Variants in SATB2 observed in about 807,000 individuals in gnomAD.
SATB2 encodes the protein SATB homeobox 2.
In SATB2, 1 loss-of-function variant was observed where a neutral mutation model predicts 73.4. That is an observed-to-expected ratio of 0.01 (90% CI 0.00 to 0.06). The LOEUF (loss-of-function observed/expected upper bound fraction) is 0.06. Ranked by LOEUF, SATB2 falls within the 10% of genes least tolerant of loss-of-function variation. The pLI is 1.00. For missense variants in SATB2, 459 were observed against 945.8 expected, an observed-to-expected ratio of 0.49 and a Z score of 6.75; for synonymous variants, 397 against 367.0, an observed-to-expected ratio of 1.08 and a Z score of -0.93.
At chr2:199,367,843 G>C (rs915536099) in intron 6 of SATB2, among the ~76,000 whole-genome samples, 5 of 152,170 alleles carry the variant, frequency 3.3e-5, no homozygotes, top group Admixed American at 3.3e-4. Context: ...AAATGGTCCT[G>C]ACATGTTTAA....
At chr2:199,332,058 T>A (rs1425994141) in intron 7 of SATB2, among the ~76,000 whole-genome samples, 1 of 152,090 alleles carries the variant, frequency 6.6e-6, no homozygotes, top group Non-Finnish European at 1.5e-5. Context: ...CTTTTATGAA[T>A]AGAAAGGTCA....
At chr2:199,357,741 T>C (rs184805490) in intron 6 of SATB2, among the ~76,000 whole-genome samples, 26 of 152,228 alleles carry the variant, frequency 1.7e-4, no homozygotes, top group Admixed American at 1.6e-3. Context: ...TCCCCTCCCA[T>C]TATCTTATTT....
chr2:199,321,533 TAC>T (rs1687891598), intron 9 of SATB2, among the ~76,000 whole-genome samples: 1 of 150,248 alleles, frequency 6.7e-6, no homozygotes, highest in Non-Finnish European at 1.5e-5. Context: ...TATACATATA[TAC>T]ATATATGTGT....
intron 9 of SATB2, among the ~76,000 whole-genome samples, chr2:199,314,970 G>T (rs1337720665): frequency 6.6e-6 from 1 of 151,936 alleles, no homozygotes; most frequent in Non-Finnish European, 1.5e-5. Flanking sequence ...TCCTAGACTA[G>T]ATATCTTTTT....
At position 199,272,767 on chromosome 2, in the gene SATB2, C is replaced by G; in HGVS notation, c.1741-95G>C. 1 of 1,149,078 alleles carries G rather than the reference C, an allele frequency of 8.7e-7. No homozygotes were observed. The highest frequency in any genetic ancestry group is 1.3e-6 in the Non-Finnish European group (1 of 761,952). The allele number at this position is 1,149,078 out of a possible 1,614,324, so 71.2% of individuals were successfully genotyped here. On this transcript the variant is annotated intron_variant, in intron 10 of 10. Transcript: ENST00000417098. This position sits in a 1 kb window ranked among gnomAD's most constrained non-coding sequence, Gnocchi z 6.7. ...TGAAATATGTGTTATCTATCTAGCA[C>G]TGGAGGTAAGCTATAGTCATTTGTA... is the stretch of plus-strand genomic sequence containing the variant.
rs192571654 is a variant in SATB2 at position 199,269,715 on chromosome 2, G to A, written c.*2496C>T. ...CATTTCACAAAAAAAAAAAAAGGCGGGAAATTGTGCTTTGTCAAGAGGCAC... is the reference window on the plus strand; with the variant it reads ...CATTTCACAAAAAAAAAAAAAGGCGAGAAATTGTGCTTTGTCAAGAGGCAC... On this transcript the variant is annotated 3_prime_UTR_variant, in exon 11 of 11. Transcript: ENST00000417098. The A allele has an allele frequency of 2.1e-5, 3 of 144,786 alleles. No individual in the cohort carries two copies. Among genetic ancestry groups the A allele is most frequent in the East Asian group, 2.0e-4 (1 of 5,104 alleles). 9.0% of individuals were successfully genotyped at this position (144,786 alleles called of 1,614,324 possible).
At chr2:199,389,222 T>C (rs1329083430) in intron 3 of SATB2, among the ~76,000 whole-genome samples, 2 of 152,164 alleles carry the variant, frequency 1.3e-5, no homozygotes, top group East Asian at 1.9e-4. Context: ...TTTTGAAGTA[T>C]ACATATTTTC....
At chr2:199,317,062 G>A (rs769354509) in intron 9 of SATB2, among the ~76,000 whole-genome samples, 31 of 152,064 alleles carry the variant, frequency 2.0e-4, no homozygotes, top group Middle Eastern at 3.4e-3. Context: ...GGGGTGGGGC[G>A]GTATGGGCAG....
At chr2:199,415,154 G>C (rs1452513723) in intron 3 of SATB2, among the ~76,000 whole-genome samples, 1 of 152,238 alleles carries the variant, frequency 6.6e-6, no homozygotes, top group Non-Finnish European at 1.5e-5. Context: ...CCTGAAGCAA[G>C]AAACGCTCTA....
intron 3 of SATB2, among the ~76,000 whole-genome samples, chr2:199,399,092 A>C (rs1343999200): frequency 6.6e-6 from 1 of 152,080 alleles, no homozygotes; most frequent in Non-Finnish European, 1.5e-5. Context: ...GCAACATGAC[A>C]AAATCCCATC....
upstream of SATB2, among the ~76,000 whole-genome samples, chr2:199,460,248 T>C (rs1486282671): frequency 6.6e-6 from 1 of 152,054 alleles, no homozygotes; most frequent in African/African-American, 2.4e-5. The surrounding 1 kb of genome is among the most constrained non-coding windows in gnomAD (Gnocchi z 4.0). Context: ...CCCGTGGTGG[T>C]AGCTAAAAGG....
At chr2:199,381,201 G>C (rs1311765458) in intron 4 of SATB2, among the ~76,000 whole-genome samples, 1 of 151,872 alleles carries the variant, frequency 6.6e-6, no homozygotes, top group African/African-American at 2.4e-5. Flanking sequence ...GTTTTTGTTT[G>C]TTTGTTTGTT....
intron 3 of SATB2, among the ~76,000 whole-genome samples, chr2:199,415,308 A>G (rs1336113175): frequency 6.6e-6 from 1 of 152,232 alleles, no homozygotes; most frequent in Non-Finnish European, 1.5e-5. Flanking sequence ...ACCATTCAAA[A>G]TGACTAAAAC....
chr2:199,394,049 TAA>T (rs1210179728), intron 3 of SATB2, among the ~76,000 whole-genome samples: 1 of 152,190 alleles, frequency 6.6e-6, no homozygotes, highest in Non-Finnish European at 1.5e-5. Context: ...TTAAAATTAT[TAA>T]AGAGTAACTT....
intron 6 of SATB2, among the ~76,000 whole-genome samples, chr2:199,367,555 G>C (rs1390826547): frequency 6.6e-6 from 1 of 152,138 alleles, no homozygotes; most frequent in East Asian, 1.9e-4. Flanking sequence ...TCTCCCCTGA[G>C]AAAATCTGCA....
rs570296862 is a variant in SATB2, at chr2:199,384,547, C to T, written c.347-2727G>A. Among the ~76,000 whole-genome samples the T allele has an allele frequency of 3.9e-5, 6 of 152,298 alleles. No homozygotes were observed. In the East Asian group the frequency reaches 1.2e-3, roughly 29 times the overall value. On this transcript the variant is annotated intron_variant, in intron 3 of 10. Coordinates refer to ENST00000417098, the MANE Select transcript of SATB2 (RefSeq NM_001172509.2). ...TGCAAATACATTCTTTAGAACAGTC[C>T]TCCTTCCCTGATATAAAATAGACAA...
intron 5 of SATB2, among the ~76,000 whole-genome samples, chr2:199,377,747 G>A (rs1310587699): frequency 6.6e-6 from 1 of 152,082 alleles, no homozygotes; most frequent in Non-Finnish European, 1.5e-5. Context: ...GGTGGCAGGA[G>A]AAAAGTCATG....
chr2:199,354,792 A>G (rs1290093430), intron 6 of SATB2, among the ~76,000 whole-genome samples: 4 of 152,104 alleles, frequency 2.6e-5, no homozygotes, highest in Non-Finnish European at 5.9e-5. Context: ...ACCACCCTCT[A>G]AACTTCTGGG....
At chr2:199,310,679 A>G (rs1046811036) in intron 9 of SATB2, among the ~76,000 whole-genome samples, 3 of 152,230 alleles carry the variant, frequency 2.0e-5, no homozygotes, top group Admixed American at 6.5e-5. Context: ...AATGTTTCAA[A>G]CAGGTATGTT....
Sources: gnomAD v4.1 joint callset for allele counts (sites outside exome capture counted in the v4.1 genomes callset) on GRCh38, gnomAD v4.1.1 for gene constraint, Gnocchi (gnomAD v3.1) non-coding constraint, MANE v1.5 for transcripts, NCBI Gene and HGNC (gene_info 2026-07-23, HGNC 2026-07-21) for gene names.